The following MACROD2 variants were observed in gnomAD, a reference collection of about 807,000 sequenced individuals.
The protein encoded by MACROD2 is ADP-ribose glycohydrolase MACROD2.
MACROD2 carries 36 observed loss-of-function variants against 70.4 expected under a neutral mutation model. The observed-to-expected ratio is 0.51, with a 90% CI of 0.39 to 0.68. The LOEUF (loss-of-function observed/expected upper bound fraction) is 0.68. Ranked by LOEUF, MACROD2 falls within the 30% of genes least tolerant of loss-of-function variation. MACROD2 has a pLI of 0.00. For synonymous variants in MACROD2, 172 were observed against 178.8 expected, an observed-to-expected ratio of 0.96 and a Z score of 0.30; for missense variants, 496 against 538.4, an observed-to-expected ratio of 0.92 and a Z score of 0.78.
At chr20:15,871,032 C>T (rs2147180804) in intron 9 of MACROD2, among the ~76,000 whole-genome samples, 1 of 151,630 alleles carries the variant, frequency 6.6e-6, no homozygotes, top group African/African-American at 2.4e-5. Context: ...AAAAATTGGC[C>T]AGGCGTGGTG....
chr20:15,771,234 G>A (rs984007136), intron 8 of MACROD2, among the ~76,000 whole-genome samples: 1 of 152,034 alleles, frequency 6.6e-6, no homozygotes, highest in African/African-American at 2.4e-5. Flanking sequence ...GTGTACAGTG[G>A]CACAATCATA....
At chr20:14,538,963 T>G (rs1328416213) in intron 4 of MACROD2, among the ~76,000 whole-genome samples, 2 of 152,214 alleles carry the variant, frequency 1.3e-5, no homozygotes, top group Non-Finnish European at 2.9e-5. Context: ...TCTGTTTCGC[T>G]GGTGTGTCCC....
At chr20:14,970,449 G>T (rs2074680284) in intron 5 of MACROD2, among the ~76,000 whole-genome samples, 1 of 151,958 alleles carries the variant, frequency 6.6e-6, no homozygotes, top group East Asian at 1.9e-4. Flanking sequence ...TCCTTAAGAG[G>T]CTTTTTATTG....
chr20:15,464,102 G>A (rs2046854428), intron 7 of MACROD2, among the ~76,000 whole-genome samples: 1 of 152,180 alleles, frequency 6.6e-6, no homozygotes, highest in African/African-American at 2.4e-5. Context: ...GAGCTGGAAT[G>A]TAGTGGCACA....
chr20:15,332,810 A>C (rs2078007183), intron 6 of MACROD2, among the ~76,000 whole-genome samples: 1 of 151,556 alleles, frequency 6.6e-6, no homozygotes, highest in South Asian at 2.1e-4. Context: ...TCTGTTGGGG[A>C]TAGAAGCTGA....
rs2049829018 is a variant in MACROD2 at position 15,662,046 on chromosome 20, A to G, written c.645+162199A>G. On this transcript the variant is annotated intron_variant, in intron 8 of 17. Coordinates refer to ENST00000684519, the MANE Select transcript of MACROD2 (RefSeq NM_001351661.2). ...CCCATTCTTATCTGGCTAACTTCCC[A>G]CTCTTTACCCACGCTGAAGTTGGAT... Among the ~76,000 whole-genome samples the G allele has an allele frequency of 2.0e-5, 3 of 151,978 alleles. No individual in the cohort carries two copies. The East Asian group carries it at 5.8e-4, about 29-fold the overall frequency.
At chr20:15,607,671 T>C (rs983966700) in intron 8 of MACROD2, among the ~76,000 whole-genome samples, 3 of 152,170 alleles carry the variant, frequency 2.0e-5, no homozygotes, top group Non-Finnish European at 4.4e-5. Flanking sequence ...ATAGCTGGGA[T>C]TACAGGTGCT....
chr20:14,667,411 C>G (rs933433751), intron 4 of MACROD2, among the ~76,000 whole-genome samples: 2 of 152,142 alleles, frequency 1.3e-5, no homozygotes, highest in Non-Finnish European at 2.9e-5. Context: ...AAATTCTTGC[C>G]AAGTGTTACA....
intron 3 of MACROD2, among the ~76,000 whole-genome samples, chr20:14,139,289 C>T (rs1251959585): frequency 1.3e-5 from 2 of 152,298 alleles, no homozygotes; most frequent in Admixed American, 6.5e-5. Flanking sequence ...TCCGCCCAGC[C>T]GCCCTTTAAT....
chr20:15,311,554 T>C (rs1002222623), intron 6 of MACROD2, among the ~76,000 whole-genome samples: 4 of 152,094 alleles, frequency 2.6e-5, no homozygotes, highest in South Asian at 4.1e-4. Context: ...CAGTGGTGGA[T>C]TGGATAAAGA....
intron 5 of MACROD2, among the ~76,000 whole-genome samples, chr20:14,732,453 C>T (rs756306154): frequency 3.9e-5 from 6 of 152,000 alleles, no homozygotes; most frequent in Non-Finnish European, 7.4e-5. Context: ...AGGCAGAGAG[C>T]ATTTTTAGAT....
intron 3 of MACROD2, among the ~76,000 whole-genome samples, chr20:14,467,123 C>G (rs1454362313): frequency 4.6e-5 from 7 of 152,116 alleles, no homozygotes. Context: ...CTGTGCCCTG[C>G]CCCCCAGAGG....
chr20:15,212,931 T>C (rs1350705459), intron 5 of MACROD2, among the ~76,000 whole-genome samples: 1 of 152,212 alleles, frequency 6.6e-6, no homozygotes, highest in Non-Finnish European at 1.5e-5. Flanking sequence ...GAGTGTGACC[T>C]AGAAACTCAT....
At chr20:14,581,982 A>G (rs1272181011) in intron 4 of MACROD2, among the ~76,000 whole-genome samples, 1 of 152,190 alleles carries the variant, frequency 6.6e-6, no homozygotes, top group Non-Finnish European at 1.5e-5. Flanking sequence ...TAGCATCCCC[A>G]GTAAGATTAA....
At chr20:15,006,897 TGTCAACTGACATTG>T (rs946908589) in intron 5 of MACROD2, among the ~76,000 whole-genome samples, 1 of 152,176 alleles carries the variant, frequency 6.6e-6, no homozygotes, top group Non-Finnish European at 1.5e-5. Context: ...AACCTGTTTA[TGTCAACTGACATTG>T]AATAATTTCA....
chr20:14,334,379 T>G (rs1330979899), intron 3 of MACROD2, among the ~76,000 whole-genome samples: 1 of 152,212 alleles, frequency 6.6e-6, no homozygotes, highest in African/African-American at 2.4e-5. Context: ...GAAATTTATT[T>G]GTTGACTTTC....
intron 15 of MACROD2, among the ~76,000 whole-genome samples, chr20:16,032,468 C>T (rs1444582077): frequency 1.3e-5 from 2 of 151,560 alleles, no homozygotes; most frequent in Non-Finnish European, 2.9e-5. Flanking sequence ...ATTAAATCTT[C>T]ATAAAACATG....
At chr20:15,479,265 CTTTTTTTTTTTTTT>C (rs767435610) in intron 7 of MACROD2, among the ~76,000 whole-genome samples, 3 of 87,772 alleles carry the variant, frequency 3.4e-5, no homozygotes, top group Non-Finnish European at 4.0e-5. Flanking sequence ...TTCTCGCTCT[CTTTTTTTTTTTTTT>C]TTTTTTTTTT....
At chr20:14,863,917 G>A (rs1568842552) in intron 5 of MACROD2, among the ~76,000 whole-genome samples, 1 of 152,046 alleles carries the variant, frequency 6.6e-6, no homozygotes, top group Non-Finnish European at 1.5e-5. Flanking sequence ...CTTGACTAGT[G>A]CATTGGCTTA....
Sources: allele counts gnomAD v4.1 joint callset (sites outside exome capture counted in the v4.1 genomes callset), GRCh38; gene constraint gnomAD v4.1.1; transcripts MANE v1.5; gene names NCBI Gene and HGNC (gene_info 2026-07-23, HGNC 2026-07-21).